The following LGSN variants were observed in gnomAD, a reference collection of about 807,000 sequenced individuals.
LGSN encodes the protein lengsin.
LGSN carries 21 observed loss-of-function variants against 19.5 expected under a neutral mutation model. That is an observed-to-expected ratio of 1.07 (90% CI 0.76 to 1.55). The LOEUF (loss-of-function observed/expected upper bound fraction) is 1.55. LGSN is among the 40% of genes most tolerant of loss of function. LGSN has a pLI of 0.00. For missense variants in LGSN, 673 were observed against 608.5 expected (o/e 1.11, Z -1.12); for synonymous variants, 257 against 215.6 (o/e 1.19, Z -1.68).
the LGSN span, among the ~76,000 whole-genome samples, chr6:63,462,571 G>A: frequency 6.6e-6 from 1 of 152,142 alleles, no homozygotes; most frequent in Non-Finnish European, 1.5e-5. Flanking sequence ...TGAGACAGAG[G>A]TTGCAGTGAG....
the LGSN span, among the ~76,000 whole-genome samples, chr6:63,335,207 A>C: frequency 1.3e-5 from 2 of 151,988 alleles, no homozygotes; most frequent in African/African-American, 4.8e-5. Context: ...TGCTGGGAAA[A>C]CTGGATGACT....
the LGSN span, among the ~76,000 whole-genome samples, chr6:63,414,374 T>C: frequency 1.3e-5 from 2 of 152,192 alleles, no homozygotes; most frequent in Non-Finnish European, 2.9e-5. Flanking sequence ...GTTTCAGTTT[T>C]GTTAGATGAA....
chr6:63,411,778 T>C, the LGSN span, among the ~76,000 whole-genome samples: 9 of 152,050 alleles, frequency 5.9e-5, no homozygotes, highest in Admixed American at 2.0e-4. Flanking sequence ...CTGAGGTTGG[T>C]TGGGGCTGCA....
At chr6:63,543,155 T>C in the LGSN span, among the ~76,000 whole-genome samples, 3 of 152,224 alleles carry the variant, frequency 2.0e-5, no homozygotes, top group Admixed American at 2.0e-4. Context: ...CTTTGAAGCA[T>C]AAGCCAGTCA....
At chr6:63,329,902 G>C in the LGSN span, among the ~76,000 whole-genome samples, 1 of 152,240 alleles carries the variant, frequency 6.6e-6, no homozygotes, top group Non-Finnish European at 1.5e-5. Flanking sequence ...GGATTCCTCA[G>C]ATGGTAATGG....
chr6:63,339,766 T>C, the LGSN span, among the ~76,000 whole-genome samples: 1 of 152,294 alleles, frequency 6.6e-6, no homozygotes, highest in South Asian at 2.1e-4. Flanking sequence ...CTTCCTCTTT[T>C]ATTGTTTACT....
the LGSN span, among the ~76,000 whole-genome samples, chr6:63,517,726 C>G: frequency 6.6e-6 from 1 of 152,104 alleles, no homozygotes; most frequent in East Asian, 1.9e-4. Flanking sequence ...ATATGTATCA[C>G]AGACACTGAT....
intron 1 of LGSN, among the ~76,000 whole-genome samples, chr6:63,313,429 A>G (rs1768710199): frequency 1.3e-5 from 2 of 152,216 alleles, no homozygotes; most frequent in South Asian, 4.1e-4. Flanking sequence ...AATATGAAAT[A>G]CAACTCAAAA....
At chr6:63,297,354 CAA>C (rs75453519) in intron 1 of LGSN, among the ~76,000 whole-genome samples, 1,090 of 73,872 alleles carry the variant, frequency 0.015, 13 homozygotes, top group African/African-American at 0.053. Context: ...GCCTCGGTAT[CAA>C]AAAAAAAAAA....
the LGSN span, among the ~76,000 whole-genome samples, chr6:63,337,773 C>T: frequency 6.6e-6 from 1 of 151,498 alleles, no homozygotes; most frequent in East Asian, 1.9e-4. Flanking sequence ...CACTGCACTC[C>T]AGCCTGGATA....
At chr6:63,451,162 T>C in the LGSN span, among the ~76,000 whole-genome samples, 1 of 152,172 alleles carries the variant, frequency 6.6e-6, no homozygotes, top group East Asian at 1.9e-4. Flanking sequence ...GTTCAACCAT[T>C]GTGGAAGACA....
At chr6:63,370,355 C>T in the LGSN span, among the ~76,000 whole-genome samples, 13 of 152,248 alleles carry the variant, frequency 8.5e-5, no homozygotes, top group African/African-American at 3.1e-4. Context: ...TTAACTTCTT[C>T]GTCTATAAAA....
the LGSN span, among the ~76,000 whole-genome samples, chr6:63,547,911 T>G: frequency 1.3e-5 from 2 of 152,212 alleles, no homozygotes; most frequent in Non-Finnish European, 2.9e-5. Flanking sequence ...ACAAATTTGA[T>G]TTAAGGCTTT....
the LGSN span, among the ~76,000 whole-genome samples, chr6:63,515,806 A>AGAAAG: frequency 3.3e-5 from 5 of 152,210 alleles, no homozygotes; most frequent in Non-Finnish European, 7.3e-5. Context: ...AATGGAAGGA[A>AGAAAG]GAAAGGAAAG....
the LGSN span, among the ~76,000 whole-genome samples, chr6:63,381,347 A>G: frequency 1.3e-5 from 2 of 152,246 alleles, no homozygotes; most frequent in Admixed American, 6.5e-5. Flanking sequence ...GGAAGAAAGT[A>G]GTTGGTTGAT....
the LGSN span, among the ~76,000 whole-genome samples, chr6:63,454,866 C>T: frequency 0.14 from 18,375 of 134,878 alleles, 1,474 homozygotes; most frequent in Middle Eastern, 0.19. Flanking sequence ...AATCTCTGCT[C>T]GCTGCAACCT....
chr6:63,362,756 C>T, the LGSN span, among the ~76,000 whole-genome samples: 1 of 152,228 alleles, frequency 6.6e-6, no homozygotes, highest in Non-Finnish European at 1.5e-5. Flanking sequence ...CCTCTGTAGA[C>T]TCCACCTCTG....
At chr6:63,447,787 G>T in the LGSN span, among the ~76,000 whole-genome samples, 1 of 151,780 alleles carries the variant, frequency 6.6e-6, no homozygotes, top group Admixed American at 6.6e-5. Flanking sequence ...CTAACCTTTG[G>T]GCAGTCTTCA....
At chr6:63,400,750 T>C in the LGSN span, among the ~76,000 whole-genome samples, 2 of 152,198 alleles carry the variant, frequency 1.3e-5, no homozygotes, top group Non-Finnish European at 2.9e-5. Flanking sequence ...TCCCAGTACT[T>C]TGGGAGACTG....
Sources: allele counts gnomAD v4.1 joint callset (sites outside exome capture counted in the v4.1 genomes callset), GRCh38; gene constraint gnomAD v4.1.1; transcripts MANE v1.5; gene names NCBI Gene and HGNC (gene_info 2026-07-23, HGNC 2026-07-21).